Variants in NTNG2 observed in about 807,000 individuals in gnomAD.
NTNG2 encodes the protein netrin G2.
Under a neutral mutation model 47.6 loss-of-function variants are expected in NTNG2, and 15 were observed. The ratio of observed to expected loss-of-function variants is 0.32; its 90% CI spans 0.21 to 0.49. NTNG2 has a LOEUF of 0.49. Ranked by LOEUF, NTNG2 falls within the 20% of genes least tolerant of loss-of-function variation. The probability of loss-of-function intolerance (pLI) is 0.99; values close to 1 mark genes in which losing one functional copy is unlikely to be tolerated. For synonymous variants in NTNG2, 307 were observed against 324.6 expected (o/e 0.95, Z 0.58); for missense variants, 578 against 764.6 (o/e 0.76, Z 2.88).
At chr9:132,238,437 C>T (rs150145391) in intron 5 of NTNG2, among the ~76,000 whole-genome samples, 14 of 152,148 alleles carry the variant, frequency 9.2e-5, no homozygotes, top group African/African-American at 1.4e-4. Flanking sequence ...AGTCAGAAGC[C>T]GGGCCAGGAC....
intron 2 of NTNG2, among the ~76,000 whole-genome samples, chr9:132,194,286 C>T (rs1412837669): frequency 1.3e-5 from 2 of 152,196 alleles, no homozygotes; most frequent in Non-Finnish European, 2.9e-5. Context: ...TCCCGAGCGG[C>T]ACAGACAGAG....
rs965924577 is a variant in NTNG2 at position 132,164,869 on chromosome 9, C to T, written c.-483-1480C>T. Among the ~76,000 whole-genome samples, 9 of 152,322 alleles carry T rather than the reference C, an allele frequency of 5.9e-5. No individual in the cohort carries two copies. The East Asian group carries it at 1.2e-3, about 20-fold the overall frequency. On this transcript the variant is annotated intron_variant, in intron 1 of 7. Coordinates refer to ENST00000393229, the MANE Select transcript of NTNG2 (RefSeq NM_032536.4). ...CTGGGGCCCTGGCTGGGGGCTGCTC[C>T]GAGCCTGAGGTGCTCAGGGCGCTCA...
intron 3 of NTNG2, among the ~76,000 whole-genome samples, chr9:132,203,034 G>C (rs555758050): frequency 2.0e-5 from 3 of 152,194 alleles, no homozygotes; most frequent in Non-Finnish European, 4.4e-5. Context: ...TAGACGGTGG[G>C]AGAGGGAAGT....
At chr9:132,176,890 C>T (rs554981325) in intron 2 of NTNG2, among the ~76,000 whole-genome samples, 1 of 152,328 alleles carries the variant, frequency 6.6e-6, no homozygotes, top group South Asian at 2.1e-4. Flanking sequence ...TTAGGATGAG[C>T]CTAGTGGGTG....
intron 3 of NTNG2, among the ~76,000 whole-genome samples, chr9:132,219,157 C>T (rs973637213): frequency 1.3e-5 from 2 of 150,064 alleles, no homozygotes; most frequent in Non-Finnish European, 1.5e-5. Flanking sequence ...GCAGACATTG[C>T]AGTGAGCTGT....
intron 5 of NTNG2, among the ~76,000 whole-genome samples, chr9:132,235,008 C>CCCTG (rs1841516289): frequency 1.3e-5 from 2 of 152,234 alleles, no homozygotes; most frequent in Admixed American, 6.5e-5. Flanking sequence ...TCTTTGCCAG[C>CCCTG]CCTGCCTGCC....
intron 2 of NTNG2, among the ~76,000 whole-genome samples, chr9:132,185,964 A>G (rs1284138989): frequency 5.9e-5 from 9 of 152,068 alleles, no homozygotes; most frequent in Non-Finnish European, 1.3e-4. Context: ...AGGATCACTG[A>G]GCTCCTGGTG....
In NTNG2 at chr9:132,221,191, C is replaced by A. The variant is rs1840326384; in HGVS notation, c.858-5658C>A. Among the ~76,000 whole-genome samples, 1 of 152,116 alleles carries A rather than the reference C, an allele frequency of 6.6e-6. No individual in the cohort carries two copies. Among genetic ancestry groups the A allele is most frequent in the Non-Finnish European group, 1.5e-5 (1 of 68,032 alleles). On this transcript the variant is annotated intron_variant, in intron 3 of 7. Coordinates refer to ENST00000393229, the MANE Select transcript of NTNG2 (RefSeq NM_032536.4). This position sits in a 1 kb window ranked among gnomAD's most constrained non-coding sequence, Gnocchi z 4.2. Reference sequence around the variant, plus strand: ...GTGGCATTTGGCCTAGAATCTGACACCACCTCTAAATATTAGCTCTAGGAG... The same window carrying A: ...GTGGCATTTGGCCTAGAATCTGACAACACCTCTAAATATTAGCTCTAGGAG...
rs574512697 is a variant in NTNG2 at position 132,227,453 on chromosome 9, G to A, written c.1030+432G>A. On this transcript the variant is annotated intron_variant, in intron 4 of 7. Coordinates refer to ENST00000393229, the MANE Select transcript of NTNG2 (RefSeq NM_032536.4). Reference sequence around the variant, plus strand: ...GGCTGGCAGGTGGCCCCCATGGGATGGCAGGGAGTGATGGGGTGGGACCCC... The same window carrying A: ...GGCTGGCAGGTGGCCCCCATGGGATAGCAGGGAGTGATGGGGTGGGACCCC... Among the ~76,000 whole-genome samples the A allele has an allele frequency of 3.1e-3, 468 of 152,316 alleles. 6 individuals are homozygous for A. Among genetic ancestry groups the A allele is most frequent in the African/African-American group, 0.011 (441 of 41,562 alleles).
chr9:132,183,350 C>T (rs577068745), intron 2 of NTNG2, among the ~76,000 whole-genome samples: 1 of 152,302 alleles, frequency 6.6e-6, no homozygotes, highest in Non-Finnish European at 1.5e-5. Flanking sequence ...TTCTCTCCTG[C>T]GCTCCCCACC....
intron 2 of NTNG2, among the ~76,000 whole-genome samples, chr9:132,179,812 G>A (rs114210579): frequency 2.0e-5 from 3 of 152,206 alleles, no homozygotes; most frequent in Non-Finnish European, 4.4e-5. Flanking sequence ...CAGGGCCTCC[G>A]TCACTGTCCT....
chr9:132,198,688 G>A lies in NTNG2; in HGVS notation c.857+79G>A, dbSNP rs545861683. ...ACCTGGGACGTTATTGGATACCTGG[G>A]ATGTTACCTGGTATGTGGAACATGA... On this transcript the variant is annotated intron_variant, in intron 3 of 7. Transcript: ENST00000393229. The A allele has an allele frequency of 5.7e-6, 8 of 1,406,908 alleles. No individual in the cohort carries two copies. The African/African-American group carries it at 9.9e-5, about 17-fold the overall frequency. 87.2% of individuals were successfully genotyped at this position (1,406,908 alleles called of 1,614,324 possible). A position where few individuals can be genotyped will look rare whatever the true frequency, so the allele number is the denominator to read the frequency against.
In NTNG2 at chr9:132,169,007, G is replaced by A. The variant is rs529326024; in HGVS notation, c.213+1963G>A. Among the ~76,000 whole-genome samples, 7 of 152,252 alleles carry A rather than the reference G, an allele frequency of 4.6e-5. No homozygotes were observed. In the South Asian group the frequency reaches 1.2e-3, roughly 27 times the overall value. ...TCAGACAGAGAACCCAGTGCAGTGG[G>A]CGGCTGTTCTGGGGAGGTGGTCACC... On this transcript the variant is annotated intron_variant, in intron 2 of 7. Coordinates refer to ENST00000393229, the MANE Select transcript of NTNG2 (RefSeq NM_032536.4).
chr9:132,217,722 C>T (rs1305075376), intron 3 of NTNG2, among the ~76,000 whole-genome samples: 1 of 152,170 alleles, frequency 6.6e-6, no homozygotes, highest in Non-Finnish European at 1.5e-5. Flanking sequence ...CTTCCAACAA[C>T]TCCATGAGGC....
intron 3 of NTNG2, among the ~76,000 whole-genome samples, chr9:132,201,481 G>T (rs541489312): frequency 4.6e-5 from 7 of 152,208 alleles, no homozygotes; most frequent in Non-Finnish European, 8.8e-5. Context: ...CTTCAGTTCC[G>T]CTGGGAAAGT....
In NTNG2 at chr9:132,226,907, G is replaced by C. The variant is rs887475720; in HGVS notation, c.916G>C (p.Glu306Gln). 6.2e-7 allele frequency: 1 copy of C among 1,612,654 alleles called. No homozygotes were observed. Among genetic ancestry groups the C allele is most frequent in the African/African-American group, 1.3e-5 (1 of 74,886 alleles). ...CATGCGCGAGGGCAGCCTGCAGTGC[G>C]AGTGCGAGCACAACACCACCGGCCC... is the stretch of plus-strand genomic sequence containing the variant. ...CSMREGSLQC[E>Q]CEHNTTGPDC... The change falls in exon 4 of 8, where the codon GAG becomes CAG. Residue 306 changes from glutamate to glutamine, a missense_variant. Glu to Gln is a conservative substitution (Grantham distance 29). Transcript: ENST00000393229. The surrounding 1 kb of genome is among the most constrained non-coding windows in gnomAD (Gnocchi z 4.8).
At chr9:132,185,544 C>T (rs912364225) in intron 2 of NTNG2, among the ~76,000 whole-genome samples, 1 of 152,064 alleles carries the variant, frequency 6.6e-6, no homozygotes, top group Non-Finnish European at 1.5e-5. Context: ...AAGAGCAGGG[C>T]GCTGTTCCTA....
chr9:132,224,835 T>TG (rs1840617801), intron 3 of NTNG2, among the ~76,000 whole-genome samples: 2 of 152,216 alleles, frequency 1.3e-5, no homozygotes, highest in Admixed American at 1.3e-4. Flanking sequence ...CCGACTGCAG[T>TG]TACCAACTAG....
At chr9:132,229,067 G>T (rs946500318) in intron 4 of NTNG2, among the ~76,000 whole-genome samples, 1 of 152,072 alleles carries the variant, frequency 6.6e-6, no homozygotes, top group Non-Finnish European at 1.5e-5. Context: ...GGAGACTCCT[G>T]AGCTGGCCCC....
Sources: gnomAD v4.1 joint callset for allele counts (sites outside exome capture counted in the v4.1 genomes callset) on GRCh38, gnomAD v4.1.1 for gene constraint, Gnocchi (gnomAD v3.1) non-coding constraint, MANE v1.5 for transcripts, NCBI Gene and HGNC (gene_info 2026-07-23, HGNC 2026-07-21) for gene names.